The following GRIP1 variants were observed in gnomAD, a reference collection of about 807,000 sequenced individuals.
GRIP1 encodes glutamate receptor interacting protein 1, also known as glutamate receptor-interacting protein 1.
GRIP1 carries 45 observed loss-of-function variants against 129.9 expected under a neutral mutation model. The observed-to-expected ratio is 0.35, with a 90% confidence interval of 0.27 to 0.44. The LOEUF (loss-of-function observed/expected upper bound fraction) is 0.44, where lower values mean the gene tolerates loss of function less well. Among genes scored for constraint, GRIP1 ranks in the 20% least tolerant of loss-of-function variants. The pLI is 1.00. For missense variants in GRIP1, 1,196 were observed against 1,396.8 expected (o/e 0.86, Z 2.29); for synonymous variants, 530 against 520.8 (o/e 1.02, Z -0.24).
At chr12:66,812,072 T>C (rs767783914) in intron 1 of GRIP1, among the ~76,000 whole-genome samples, 2 of 152,210 alleles carry the variant, frequency 1.3e-5, no homozygotes, top group Non-Finnish European at 2.9e-5. Flanking sequence ...TTTAGATTTT[T>C]TAACAGCCAT....
chr12:66,919,243 C>T (rs1461242524), intron 1 of GRIP1, among the ~76,000 whole-genome samples: 1 of 152,130 alleles, frequency 6.6e-6, no homozygotes, highest in East Asian at 1.9e-4. Flanking sequence ...TGGGACCTGT[C>T]CTTCTTTAGG....
chr12:66,696,501 G>A (rs1253461775), intron 1 of GRIP1, among the ~76,000 whole-genome samples: 2 of 151,830 alleles, frequency 1.3e-5, no homozygotes, highest in African/African-American at 4.8e-5. Flanking sequence ...AAGAATTATG[G>A]TTAGGCCAGG....
In GRIP1 at chr12:66,921,173, T is replaced by A. The variant is rs112868028; in HGVS notation, c.58+147877A>T. Among the ~76,000 whole-genome samples the A allele has an allele frequency of 3.5e-3, 531 of 152,352 alleles. 4 individuals are homozygous for A. The highest frequency in any genetic ancestry group is 0.012 in the African/African-American group (504 of 41,588). On this transcript the variant is annotated intron_variant, in intron 1 of 1. Transcript: ENST00000643019. ...TCAGAAGCCCTTCAGCTCAGAGAAC[T>A]GTTTACAACAGCAAAGAAAATGCTA...
intron 7 of GRIP1, among the ~76,000 whole-genome samples, chr12:66,487,073 G>A (rs184289851): frequency 7.2e-5 from 11 of 152,296 alleles, no homozygotes; most frequent in African/African-American, 2.6e-4. Flanking sequence ...TTACAGATGT[G>A]AGTCACTATG....
chr12:66,544,944 A>G (rs777970054), intron 2 of GRIP1, among the ~76,000 whole-genome samples: 14 of 152,190 alleles, frequency 9.2e-5, no homozygotes, highest in Non-Finnish European at 1.9e-4. Context: ...TTACTGAACA[A>G]ACACTGTGGT....
intron 1 of GRIP1, among the ~76,000 whole-genome samples, chr12:66,788,305 G>A (rs2038422730): frequency 6.6e-6 from 1 of 151,442 alleles, no homozygotes; most frequent in South Asian, 2.1e-4. Context: ...TAAAAAGTCT[G>A]GACACAGTTG....
intron 5 of GRIP1, among the ~76,000 whole-genome samples, chr12:66,518,581 T>A (rs2060912667): frequency 6.6e-6 from 1 of 152,230 alleles, no homozygotes; most frequent in Admixed American, 6.5e-5. Flanking sequence ...GAAACATAGA[T>A]GTTTCAAGAT....
At chr12:66,606,656 G>C (rs989502028) in intron 1 of GRIP1, among the ~76,000 whole-genome samples, 1 of 152,128 alleles carries the variant, frequency 6.6e-6, no homozygotes, top group Non-Finnish European at 1.5e-5. Context: ...TACAAAAGGA[G>C]TAGTGGTTTT....
intron 1 of GRIP1, among the ~76,000 whole-genome samples, chr12:67,067,742 G>A (rs1309914347): frequency 6.6e-6 from 1 of 152,106 alleles, no homozygotes; most frequent in African/African-American, 2.4e-5. Context: ...TTATTCAAAA[G>A]CTTGAAACTT....
chr12:66,968,703 T>C (rs996626388), intron 1 of GRIP1, among the ~76,000 whole-genome samples: 7 of 152,168 alleles, frequency 4.6e-5, no homozygotes, highest in Middle Eastern at 3.2e-3. Context: ...CCATATGCTA[T>C]AATTATCTAA....
intron 1 of GRIP1, among the ~76,000 whole-genome samples, chr12:67,004,166 T>C (rs2042593608): frequency 6.6e-6 from 1 of 152,156 alleles, no homozygotes; most frequent in African/African-American, 2.4e-5. Flanking sequence ...TAGGGTAAAA[T>C]TTACAATTTA....
At chr12:66,496,867 AAGAG>A (rs79932282) in intron 7 of GRIP1, among the ~76,000 whole-genome samples, 44,374 of 151,660 alleles carry the variant, frequency 0.29, 6,665 homozygotes, top group East Asian at 0.4. Flanking sequence ...AAAGAAAAGA[AAGAG>A]AGAGGATAGG....
At chr12:66,594,643 G>A (rs979559573) in intron 2 of GRIP1, among the ~76,000 whole-genome samples, 1 of 152,082 alleles carries the variant, frequency 6.6e-6, no homozygotes, top group Non-Finnish European at 1.5e-5. Context: ...CTTAGTCCAG[G>A]AGTGGTCAGG....
At chr12:67,028,885 A>G (rs1469208379) in intron 1 of GRIP1, among the ~76,000 whole-genome samples, 3 of 152,198 alleles carry the variant, frequency 2.0e-5, no homozygotes, top group Admixed American at 6.6e-5. Flanking sequence ...TCAAATTTTT[A>G]TAATTGTTAT....
At chr12:66,874,912 G>A (rs1025436889) in intron 1 of GRIP1, among the ~76,000 whole-genome samples, 2 of 150,928 alleles carry the variant, frequency 1.3e-5, no homozygotes, top group African/African-American at 4.9e-5. Context: ...AATTATCTCA[G>A]CTTACACATT....
intron 1 of GRIP1, among the ~76,000 whole-genome samples, chr12:66,930,907 T>C (rs544226781): frequency 2.6e-5 from 4 of 152,138 alleles, no homozygotes; most frequent in Non-Finnish European, 4.4e-5. Flanking sequence ...GGAAGATACA[T>C]GTGCTGTATC....
rs184981325 is a variant in GRIP1, at chr12:66,860,224, C to T, written c.58+208826G>A. ...AGCTTCTTGAAGAAGCTTGGGCTTT[C>T]GAGTCTGACCCAACTAGGTGGAAGC... On this transcript the variant is annotated intron_variant, in intron 1 of 1. Transcript: ENST00000643019. Among the ~76,000 whole-genome samples, 4 of 152,190 alleles carry T rather than the reference C, an allele frequency of 2.6e-5. No individual in the cohort carries two copies. In the East Asian group the frequency reaches 7.7e-4, roughly 29 times the overall value.
intron 1 of GRIP1, among the ~76,000 whole-genome samples, chr12:66,744,613 A>C (rs1011089470): frequency 6.6e-6 from 1 of 152,096 alleles, no homozygotes; most frequent in African/African-American, 2.4e-5. Flanking sequence ...CTCCAGCTAC[A>C]TGTTAACCTT....
At chr12:66,956,475 C>T (rs1476547342) in intron 1 of GRIP1, among the ~76,000 whole-genome samples, 2 of 152,118 alleles carry the variant, frequency 1.3e-5, no homozygotes, top group South Asian at 2.1e-4. Flanking sequence ...CTCCACTGTA[C>T]GGTTCCTCCG....
Sources: gnomAD v4.1 joint callset for allele counts (sites outside exome capture counted in the v4.1 genomes callset) on GRCh38, gnomAD v4.1.1 for gene constraint, MANE v1.5 for transcripts, NCBI Gene and HGNC (gene_info 2026-07-23, HGNC 2026-07-21) for gene names.